Variants in FAT3 observed in about 807,000 individuals in gnomAD.
FAT3 encodes the protein protocadherin Fat 3.
FAT3 carries 95 observed loss-of-function variants against 310.2 expected under a neutral mutation model. That is an observed-to-expected ratio of 0.31 (90% confidence interval 0.26 to 0.36). The LOEUF is 0.36. Ranked by LOEUF, FAT3 falls within the 10% of genes least tolerant of loss-of-function variation. The pLI, the probability that FAT3 is intolerant of heterozygous loss-of-function variation, is 1.00. For synonymous variants in FAT3, 2,314 were observed against 2,192.9 expected (o/e 1.06, Z -1.54); for missense variants, 5,408 against 5,715.6 (o/e 0.95, Z 1.74).
intron 7 of FAT3, among the ~76,000 whole-genome samples, chr11:92,785,249 A>G (rs1946857698): frequency 6.6e-6 from 1 of 152,144 alleles, no homozygotes; most frequent in African/African-American, 2.4e-5. Flanking sequence ...TTAAAAGTAA[A>G]TAATGTTCTG....
At chr11:92,626,270 T>G (rs1941330459) in intron 3 of FAT3, among the ~76,000 whole-genome samples, 1 of 152,208 alleles carries the variant, frequency 6.6e-6, no homozygotes, top group Admixed American at 6.5e-5. Flanking sequence ...ATAATTGAGA[T>G]AATAGTTTCA....
intron 19 of FAT3, among the ~76,000 whole-genome samples, chr11:92,851,914 G>GT (rs534063437): frequency 6.8e-4 from 103 of 152,278 alleles, no homozygotes; most frequent in African/African-American, 2.3e-3. Context: ...CCAGAGAGGG[G>GT]GTCTTTAAGG....
rs79289784 is a variant in FAT3 at position 92,624,400 on chromosome 11, G to A, written c.3608-72984G>A. Among the ~76,000 whole-genome samples, 13 of 152,278 alleles carry A rather than the reference G, an allele frequency of 8.5e-5. No individual in the cohort carries two copies. In the East Asian group the frequency reaches 2.5e-3, roughly 29 times the overall value. ...GGAAAAAAACTTAGAACTTGTCTGG[G>A]TCAGATCCTAAAGGGCCTGGCATGT... On this transcript the variant is annotated intron_variant, in intron 3 of 27. Coordinates refer to ENST00000525166, the MANE Select transcript of FAT3 (RefSeq NM_001367949.2).
intron 2 of FAT3, among the ~76,000 whole-genome samples, chr11:92,523,260 C>T (rs1019651715): frequency 3.3e-5 from 5 of 152,148 alleles, no homozygotes; most frequent in African/African-American, 9.7e-5. Context: ...CTTCTAACTA[C>T]CAGATATCAG....
At chr11:92,867,337 G>A (rs973362962) in intron 22 of FAT3, 128 bp downstream of exon 22, 4 of 969,530 alleles carry the variant, frequency 4.1e-6, no homozygotes, top group Middle Eastern at 3.4e-4. Context: ...CAAGATGCTC[G>A]CCAACCTTCT....
intron 1 of FAT3, among the ~76,000 whole-genome samples, chr11:92,264,678 C>T (rs1029211825): frequency 2.6e-5 from 4 of 152,128 alleles, no homozygotes; most frequent in South Asian, 2.1e-4. Flanking sequence ...TTTCTGACTT[C>T]GTGAGAGAAG....
chr11:92,708,407 T>G (rs1944423000), intron 4 of FAT3, among the ~76,000 whole-genome samples: 1 of 152,360 alleles, frequency 6.6e-6, no homozygotes, highest in East Asian at 1.9e-4. Flanking sequence ...GAGACAGACA[T>G]AGTAACTCAC....
intron 3 of FAT3, among the ~76,000 whole-genome samples, chr11:92,576,161 G>A (rs1397771516): frequency 6.6e-6 from 1 of 152,104 alleles, no homozygotes; most frequent in African/African-American, 2.4e-5. Flanking sequence ...GTCCATAAAG[G>A]CTAAACCCGA....
At chr11:92,663,977 C>T (rs999806870) in intron 3 of FAT3, among the ~76,000 whole-genome samples, 1 of 152,116 alleles carries the variant, frequency 6.6e-6, no homozygotes, top group African/African-American at 2.4e-5. Flanking sequence ...CATAATTTGC[C>T]TTTCTCTACC....
chr11:92,840,525 T>A (rs1434706373), intron 17 of FAT3, 37 bp from the exon 18 acceptor site: 1 of 1,482,494 alleles, frequency 6.7e-7, no homozygotes, highest in Non-Finnish European at 9.1e-7. Flanking sequence ...GAAGTGTAAT[T>A]TTTATCTTCA....
chr11:92,889,323 A>C (rs1949863018), intron 26 of FAT3, 75 bp downstream of exon 26: 4 of 630,878 alleles, frequency 6.3e-6, no homozygotes, highest in South Asian at 1.9e-5. Context: ...AGTGATTTTA[A>C]TGGATTGGCC....
chr11:92,514,733 C>T (rs538704932), intron 2 of FAT3, among the ~76,000 whole-genome samples: 5 of 152,246 alleles, frequency 3.3e-5, no homozygotes, highest in African/African-American at 1.2e-4. Context: ...AATTCTTAGA[C>T]TGGAGAAGAA....
chr11:92,727,229 C>G (rs971598854), intron 4 of FAT3, among the ~76,000 whole-genome samples: 6 of 152,016 alleles, frequency 3.9e-5, no homozygotes, highest in African/African-American at 1.4e-4. Context: ...TGGCTTCTTT[C>G]TGATACCTGG....
intron 3 of FAT3, among the ~76,000 whole-genome samples, chr11:92,626,499 A>G (rs1251713695): frequency 6.6e-6 from 1 of 151,868 alleles, no homozygotes; most frequent in Non-Finnish European, 1.5e-5. Flanking sequence ...TCAAAAAATA[A>G]CCTTGATGCT....
intron 2 of FAT3, among the ~76,000 whole-genome samples, chr11:92,418,929 G>A (rs772926839): frequency 4.6e-5 from 7 of 151,976 alleles, no homozygotes; most frequent in Non-Finnish European, 1.0e-4. Flanking sequence ...GAAATCACTG[G>A]GCCTGGAGAG....
At chr11:92,488,744 A>G (rs1426343964) in intron 2 of FAT3, among the ~76,000 whole-genome samples, 1 of 152,074 alleles carries the variant, frequency 6.6e-6, no homozygotes, top group Admixed American at 6.6e-5. Flanking sequence ...TTTGCTCAGC[A>G]AAGCCTTCTC....
At chr11:92,721,329 T>C (rs1030720722) in intron 4 of FAT3, among the ~76,000 whole-genome samples, 2 of 152,214 alleles carry the variant, frequency 1.3e-5, no homozygotes, top group African/African-American at 4.8e-5. Context: ...TTCTAAAATT[T>C]GATTATCATG....
Position 92,395,525 on chromosome 11 carries a change from T to C in FAT3, c.3292+40121T>C, listed in dbSNP as rs369531741. Among the ~76,000 whole-genome samples, 4 of 152,258 alleles carry C rather than the reference T, an allele frequency of 2.6e-5. No individual in the cohort carries two copies. The East Asian group carries it at 7.7e-4, about 29-fold the overall frequency. The stretch of plus-strand genomic sequence containing the variant: ...CTCTGTTCTACAAGGATGCCCTTTT[T>C]TGCATGCCTTCTTTTTCCTCCTTGC... On this transcript the variant is annotated intron_variant, in intron 2 of 27. Transcript: ENST00000525166.
chr11:92,775,965 G>A (rs1293102777), intron 7 of FAT3, among the ~76,000 whole-genome samples: 2 of 152,038 alleles, frequency 1.3e-5, no homozygotes, highest in Non-Finnish European at 1.5e-5. Context: ...GTCCAAAAGC[G>A]CACCCCCAAA....
Sources: gnomAD v4.1 joint callset for allele counts (sites outside exome capture counted in the v4.1 genomes callset) on GRCh38, gnomAD v4.1.1 for gene constraint, MANE v1.5 for transcripts, NCBI Gene and HGNC (gene_info 2026-07-23, HGNC 2026-07-21) for gene names.